Variants in CEP295 observed in about 807,000 individuals in gnomAD.
CEP295 encodes the protein centrosomal protein of 295 kDa.
A neutral mutation model predicts 291.6 loss-of-function variants in CEP295; 190 were observed. The ratio of observed to expected loss-of-function variants is 0.65; its 90% CI spans 0.58 to 0.73. CEP295 has a LOEUF of 0.73. CEP295 is among the 30% of genes least tolerant of loss of function. CEP295 has a pLI of 0.00. For missense variants in CEP295, 2,863 were observed against 2,949.4 expected, an observed-to-expected ratio of 0.97 and a Z score of 0.68; for synonymous variants, 993 against 1,038.8, an observed-to-expected ratio of 0.96 and a Z score of 0.85.
chr11:93,720,215 G>A (rs1169053008), intron 18 of CEP295, among the ~76,000 whole-genome samples: 1 of 152,032 alleles, frequency 6.6e-6, no homozygotes, highest in African/African-American at 2.4e-5. Flanking sequence ...GCTCACACCT[G>A]TAATCCCAGC....
At chr11:93,695,662 A>AT in intron 13 of CEP295, 28 bp downstream of exon 13, 1 of 1,475,440 alleles carries the variant, frequency 6.8e-7, no homozygotes, top group Middle Eastern at 1.7e-4. Context: ...TCATCACTAC[A>AT]TAAATCATTT....
Position 93,723,268 on chromosome 11 carries a change from C to T in CEP295, c.6175C>T (p.Pro2059Ser), listed in dbSNP as rs1159857479. 7.9e-6 allele frequency: 12 copies of T among 1,513,808 alleles called. No individual in the cohort carries two copies. The East Asian group carries it at 2.5e-4, about 31-fold the overall frequency. The allele number at this position is 1,513,808 out of a possible 1,614,324, so 93.8% of individuals were successfully genotyped here. ...DKYINEANLI[P>S]EKTDLQELEH... ...GTACATTAATGAAGCAAATTTGATACCTGAAAAAACAGATTTGCAAGGTAA... is the reference window on the plus strand; with the variant it reads ...GTACATTAATGAAGCAAATTTGATATCTGAAAAAACAGATTTGCAAGGTAA... Residue 2059 changes from proline to serine, a missense_variant, in exon 21 of 30, where the codon CCT becomes TCT. Physicochemically the swap from Pro to Ser is moderately conservative, Grantham distance 74. This residue lies in a region of CEP295 where 2,295 missense variants were observed against 2,335.7 expected (regional missense o/e 0.98). Transcript: ENST00000325212.
chr11:93,696,877 T>C lies in CEP295; in HGVS notation c.1965T>C (p.Pro655=), dbSNP rs184302250. 60 of 1,551,906 alleles carry C rather than the reference T, an allele frequency of 3.9e-5. No homozygotes were observed. Among genetic ancestry groups the C allele is most frequent in the Middle Eastern group, 1.7e-4 (1 of 5,996 alleles). ...WDQGQRLKLS[P]NKYQPIQPIQ... is the part of the protein sequence containing the mutation. ...AAGGTCAGAGACTCAAGTTGAGTCC[T>C]AACAAATACCAACCCATACAACCTA... Residue 655 remains proline (P), a synonymous_variant, in exon 15 of 30, where the codon CCT becomes CCC. Transcript: ENST00000325212.
chr11:93,729,211 C>T (rs1329247052), intron 25 of CEP295: 3 of 580,630 alleles, frequency 5.2e-6, no homozygotes, highest in Middle Eastern at 4.6e-4. Flanking sequence ...GGTGTGAGGG[C>T]AGTGGAGCCT....
chr11:93,729,541 G>A lies in CEP295; in HGVS notation c.7399+11G>A. Reference sequence around the variant, plus strand: ...GGACAGCATCTACAGGTAAGCCTTGGACGGCCTCCACACTTCTAATGGAAA... The same window carrying A: ...GGACAGCATCTACAGGTAAGCCTTGAACGGCCTCCACACTTCTAATGGAAA... On this transcript the variant is annotated intron_variant, in intron 26 of 29. Transcript: ENST00000325212. The A allele has an allele frequency of 6.4e-7, 1 of 1,550,718 alleles. No individual in the cohort carries two copies. Among genetic ancestry groups the A allele is most frequent in the Non-Finnish European group, 8.7e-7 (1 of 1,146,036 alleles).
chr11:93,721,840 A>G (rs767545406), intron 19 of CEP295, 114 bp from the exon 20 acceptor site: 1 of 756,820 alleles, frequency 1.3e-6, no homozygotes, highest in South Asian at 1.5e-5. Context: ...TGTAACTATG[A>G]TGGTTTCTAC....
At chr11:93,668,694 G>T in intron 3 of CEP295, 114 bp from the exon 4 acceptor site, 1 of 757,786 alleles carries the variant, frequency 1.3e-6, no homozygotes, top group Non-Finnish European at 2.1e-6. Context: ...GGGAAACACT[G>T]CTATAGTATG....
chr11:93,677,419 T>A (rs1314709775), intron 6 of CEP295, among the ~76,000 whole-genome samples: 1 of 152,182 alleles, frequency 6.6e-6, no homozygotes, highest in Non-Finnish European at 1.5e-5. Context: ...TTCCAAAATC[T>A]TTTATATGTC....
chr11:93,667,629 T>C lies in CEP295; in HGVS notation c.131T>C (p.Ile44Thr), dbSNP rs761147038. The C allele has an allele frequency of 9.0e-6, 14 of 1,549,008 alleles. No homozygotes were observed. In the Admixed American group the frequency reaches 1.4e-4, roughly 15 times the overall value. Residue 44 changes from isoleucine to threonine, a missense_variant, in exon 3 of 30, where the codon ATC becomes ACC. Ile to Thr is a moderately conservative substitution (Grantham distance 89). Around this residue, in one of 3 missense-constraint regions of CEP295, gnomAD observed 554 missense variants for 576.0 expected, o/e 0.96. Transcript: ENST00000325212. ...LLQVREQERD[I>T]ALQIREDIKQ... Reference sequence around the variant, plus strand: ...TAGGTTCGAGAACAAGAAAGAGATATCGCCTTACAGATAAGAGAAGACATA... The same window carrying C: ...TAGGTTCGAGAACAAGAAAGAGATACCGCCTTACAGATAAGAGAAGACATA...
Position 93,661,767 on chromosome 11 carries a change from G to A in CEP295, c.-34G>A. On this transcript the variant is annotated 5_prime_UTR_variant, in exon 1 of 30. Coordinates refer to ENST00000325212, the MANE Select transcript of CEP295 (RefSeq NM_033395.2). ...TGCGGTTACTGTGTCCAGGCCCCGG[G>A]TTCTCAGGTGAGTCAGGGATGCACT... is the stretch of plus-strand genomic sequence containing the variant. The A allele has an allele frequency of 6.5e-6, 1 of 152,810 alleles. No homozygotes were observed. The allele number at this position is 152,810 out of a possible 1,614,324, so 9.5% of individuals were successfully genotyped here.
chr11:93,695,396 A>G, intron 12 of CEP295, 101 bp from the exon 13 acceptor site: 5 of 701,478 alleles, frequency 7.1e-6, no homozygotes, highest in Non-Finnish European at 1.1e-5. Flanking sequence ...GAAAATTGGT[A>G]CCCTTGGTGA....
At position 93,698,073 on chromosome 11, in the gene CEP295, A is replaced by G. The variant is rs558701114; in HGVS notation, c.3161A>G (p.His1054Arg). ...LSFLQQFLPLHDSLKLLQEQL... is the reference protein window; with the variant it reads ...LSFLQQFLPLRDSLKLLQEQL... The stretch of plus-strand genomic sequence containing the variant: ...TTCCTACAGCAGTTCCTACCTCTAC[A>G]TGATAGTTTGAAGTTGCTCCAAGAA... The change falls in exon 15 of 30, where the codon CAT becomes CGT. Residue 1054 changes from histidine (H) to arginine (R), a missense_variant. This residue lies in a region of CEP295 where 2,295 missense variants were observed against 2,335.7 expected (regional missense o/e 0.98). Transcript: ENST00000325212. 8 of 1,551,856 alleles carry G rather than the reference A, an allele frequency of 5.2e-6. No individual in the cohort carries two copies. Among genetic ancestry groups the G allele is most frequent in the African/African-American group, 4.1e-5 (3 of 73,030 alleles).
intron 18 of CEP295, among the ~76,000 whole-genome samples, chr11:93,719,395 G>T (rs1373382522): frequency 6.6e-6 from 1 of 151,986 alleles, no homozygotes; most frequent in Non-Finnish European, 1.5e-5. Context: ...AGCCTCCGAG[G>T]TAGCTAGGAC....
At chr11:93,686,267 C>T (rs1038125564) in intron 9 of CEP295, among the ~76,000 whole-genome samples, 17 of 151,200 alleles carry the variant, frequency 1.1e-4, no homozygotes, top group African/African-American at 3.4e-4. Flanking sequence ...TGCAGTGAGC[C>T]GAAACCACAC....
Position 93,699,624 on chromosome 11 carries a change from G to T in CEP295, c.4712G>T (p.Ser1571Ile), listed in dbSNP as rs1017428134. The change falls in exon 15 of 30, where the codon AGT (serine) becomes ATT (isoleucine). Residue 1571 changes from serine (S) to isoleucine (I), a missense_variant. Around this residue, in one of 3 missense-constraint regions of CEP295, gnomAD observed 2,295 missense variants for 2,335.7 expected, o/e 0.98. Transcript: ENST00000325212. ...ACCCAGAAGTCTTTCCCAACCAAAAGTAATGATACTCTTCCCTCAAGTCAT... is the reference window on the plus strand; with the variant it reads ...ACCCAGAAGTCTTTCCCAACCAAAATTAATGATACTCTTCCCTCAAGTCAT... Reference protein sequence around the residue: ...ERTQKSFPTKSNDTLPSSHRE... With the variant: ...ERTQKSFPTKINDTLPSSHRE... 6.4e-7 allele frequency: 1 copy of T among 1,551,734 alleles called. No individual in the cohort carries two copies. The highest frequency in any genetic ancestry group is 2.0e-5 in the Admixed American group (1 of 51,006).
intron 3 of CEP295, 32 bp downstream of exon 3, chr11:93,667,839 T>C (rs1306090640): frequency 7.1e-7 from 1 of 1,403,190 alleles, no homozygotes; most frequent in Non-Finnish European, 9.7e-7. Flanking sequence ...TACCCTGTTG[T>C]GGCAGTAATA....
At chr11:93,673,324 G>A (rs1484798256) in intron 5 of CEP295, among the ~76,000 whole-genome samples, 1 of 152,072 alleles carries the variant, frequency 6.6e-6, no homozygotes, top group African/African-American at 2.4e-5. Flanking sequence ...GCTAGTTAAT[G>A]TTTTCATTAG....
In CEP295 at chr11:93,696,324, G is replaced by T. The variant is rs1240189482; in HGVS notation, c.1676G>T (p.Gly559Val). ...KRKKTQPTGV[G>V]IAPASCPVIS... is the part of the protein sequence containing the mutation. Reference sequence around the variant, plus strand: ...AGTAACTTTGTCTTTTATTAGGTTGGCATTGCTCCAGCATCATGCCCTGTA... The same window carrying T: ...AGTAACTTTGTCTTTTATTAGGTTGTCATTGCTCCAGCATCATGCCCTGTA... Residue 559 changes from glycine to valine, a missense_variant, in exon 14 of 30, where the codon GGC becomes GTC. Around this residue, in one of 3 missense-constraint regions of CEP295, gnomAD observed 2,295 missense variants for 2,335.7 expected, o/e 0.98. Transcript: ENST00000325212. 3 of 1,541,126 alleles carry T rather than the reference G, an allele frequency of 1.9e-6. No homozygotes were observed. The highest frequency in any genetic ancestry group is 1.4e-5 in the African/African-American group (1 of 72,804).
chr11:93,712,257 A>T (rs1052321184), intron 18 of CEP295, among the ~76,000 whole-genome samples: 26 of 146,958 alleles, frequency 1.8e-4, no homozygotes, highest in African/African-American at 5.6e-4. Context: ...TTATTTATTT[A>T]TTTTTTTAAG....
Sources: allele counts gnomAD v4.1 joint callset (sites outside exome capture counted in the v4.1 genomes callset), GRCh38; gene constraint gnomAD v4.1.1; regional missense constraint gnomAD v4.1.1; transcripts MANE v1.5; gene names NCBI Gene and HGNC (gene_info 2026-07-23, HGNC 2026-07-21).